The following TMEM117 variants were observed in gnomAD, a reference collection of about 807,000 sequenced individuals.
The protein encoded by TMEM117 is transmembrane protein 117.
TMEM117 carries 27 observed loss-of-function variants against 52.4 expected under a neutral mutation model. The observed-to-expected ratio is 0.51, with a 90% CI of 0.38 to 0.71. The LOEUF is 0.71. TMEM117 is among the 30% of genes least tolerant of loss of function. The probability of loss-of-function intolerance (pLI) is 0.00; values close to 1 mark genes in which losing one functional copy is unlikely to be tolerated. For synonymous variants in TMEM117, 215 were observed against 206.3 expected (o/e 1.04, Z -0.36); for missense variants, 556 against 630.5 (o/e 0.88, Z 1.26).
At chr12:44,045,397 G>A (rs1046635748) in intron 3 of TMEM117, among the ~76,000 whole-genome samples, 4 of 152,156 alleles carry the variant, frequency 2.6e-5, no homozygotes, top group African/African-American at 7.2e-5. Flanking sequence ...GTTTGTCCTC[G>A]CTAGAATAGA....
At chr12:44,204,985 G>A (rs1379787641) in intron 4 of TMEM117, among the ~76,000 whole-genome samples, 3 of 152,090 alleles carry the variant, frequency 2.0e-5, no homozygotes, top group Non-Finnish European at 4.4e-5. Flanking sequence ...TCTGAACATA[G>A]GCATTGACAA....
At chr12:44,244,424 T>C (rs1266626015) in intron 5 of TMEM117, 1 of 151,976 alleles carries the variant, frequency 6.6e-6, no homozygotes, top group Non-Finnish European at 1.5e-5. Flanking sequence ...ATGTATTTTC[T>C]CCACCCATAA....
chr12:44,080,068 T>G lies in TMEM117; in HGVS notation c.411-63457T>G, dbSNP rs190004449. Among the ~76,000 whole-genome samples the G allele has an allele frequency of 8.4e-3, 1,264 of 150,726 alleles. 8 individuals are homozygous for G. The highest frequency in any genetic ancestry group is 0.014 in the Non-Finnish European group (969 of 67,766). ...TATGGGAGTCTTTCTCTACGTATAC[T>G]GAGGTTTGATAGTTCTGTCCAGAGT... On this transcript the variant is annotated intron_variant, in intron 3 of 7. Transcript: ENST00000266534.
chr12:44,388,109 C>A lies in TMEM117; in HGVS notation c.982C>A (p.His328Asn). Residue 328 changes from histidine (H) to asparagine (N), a missense_variant, in exon 8 of 8, where the codon CAT (histidine) becomes AAT (asparagine). This residue lies in a region of TMEM117 where 22 missense variants were observed against 48.1 expected (regional missense o/e 0.46). Coordinates refer to ENST00000266534, the MANE Select transcript of TMEM117 (RefSeq NM_032256.3). ...GAAGAACCAAATATTTTATAAACCT[C>A]ATGAATATGGGCAATATATCGGCCC... Reference protein sequence around the residue: ...MWKNQIFYKPHEYGQYIGPGQ... With the variant: ...MWKNQIFYKPNEYGQYIGPGQ... The A allele has an allele frequency of 6.2e-7, 1 of 1,612,950 alleles. No homozygotes were observed. Among genetic ancestry groups the A allele is most frequent in the East Asian group, 2.2e-5 (1 of 44,754 alleles).
chr12:43,933,292 C>G (rs923184966), intron 2 of TMEM117, among the ~76,000 whole-genome samples: 2 of 151,692 alleles, frequency 1.3e-5, no homozygotes, highest in Non-Finnish European at 2.9e-5. Flanking sequence ...CTCCGCCCCC[C>G]AGGGTTCACG....
At chr12:43,954,939 G>A (rs944442119) in intron 3 of TMEM117, among the ~76,000 whole-genome samples, 3 of 152,152 alleles carry the variant, frequency 2.0e-5, no homozygotes, top group Non-Finnish European at 2.9e-5. Flanking sequence ...TATCCACCAC[G>A]ATCAAGTTGG....
intron 6 of TMEM117, among the ~76,000 whole-genome samples, chr12:44,326,051 T>G (rs1447505517): frequency 6.6e-6 from 1 of 152,020 alleles, no homozygotes; most frequent in Non-Finnish European, 1.5e-5. Context: ...GAATCCCAGC[T>G]CCTCCAGAGG....
chr12:44,156,652 C>T (rs953468127), intron 4 of TMEM117, among the ~76,000 whole-genome samples: 3 of 151,986 alleles, frequency 2.0e-5, no homozygotes, highest in Non-Finnish European at 4.4e-5. Flanking sequence ...TGGACATATT[C>T]TATGTCAAAA....
At chr12:44,282,177 C>G (rs1950585677) in intron 5 of TMEM117, among the ~76,000 whole-genome samples, 1 of 152,010 alleles carries the variant, frequency 6.6e-6, no homozygotes, top group African/African-American at 2.4e-5. Flanking sequence ...CCTCCCTAGC[C>G]ACGTGGAACT....
At chr12:44,295,765 C>T (rs1018816043) in intron 5 of TMEM117, among the ~76,000 whole-genome samples, 1 of 151,656 alleles carries the variant, frequency 6.6e-6, no homozygotes, top group African/African-American at 2.4e-5. Context: ...TCTGTTTCCT[C>T]TTCCATCCCA....
At chr12:44,187,875 A>G (rs1949299168) in intron 4 of TMEM117, among the ~76,000 whole-genome samples, 1 of 152,112 alleles carries the variant, frequency 6.6e-6, no homozygotes, top group Non-Finnish European at 1.5e-5. Context: ...CTTACCATTG[A>G]TCTATCTATT....
chr12:44,387,227 T>C (rs998675989), intron 7 of TMEM117, among the ~76,000 whole-genome samples: 1 of 151,846 alleles, frequency 6.6e-6, no homozygotes, highest in African/African-American at 2.4e-5. Flanking sequence ...GACTCTAGTA[T>C]ACCTGAAAAG....
chr12:44,067,249 A>G (rs1424460879), intron 3 of TMEM117, among the ~76,000 whole-genome samples: 2 of 152,100 alleles, frequency 1.3e-5, no homozygotes, highest in South Asian at 2.1e-4. Context: ...GTTGGAGTCA[A>G]CTTCTTCCAA....
chr12:43,819,606 C>G, the TMEM117 span, among the ~76,000 whole-genome samples: 1 of 152,110 alleles, frequency 6.6e-6, no homozygotes, highest in African/African-American at 2.4e-5. Flanking sequence ...AACCTCGTCT[C>G]TACTAAAAAT....
chr12:44,351,112 G>A (rs1467045456), intron 6 of TMEM117, among the ~76,000 whole-genome samples: 1 of 151,942 alleles, frequency 6.6e-6, no homozygotes, highest in Non-Finnish European at 1.5e-5. Context: ...TTTCTCTGAT[G>A]ATCAGTGATG....
chr12:43,812,737 G>T, the TMEM117 span, among the ~76,000 whole-genome samples: 1 of 151,956 alleles, frequency 6.6e-6, no homozygotes, highest in African/African-American at 2.4e-5. Context: ...CGGGTGCGGT[G>T]GCTCATGCCT....
At chr12:43,888,633 C>T (rs539064366) in intron 2 of TMEM117, among the ~76,000 whole-genome samples, 11 of 149,028 alleles carry the variant, frequency 7.4e-5, no homozygotes, top group African/African-American at 2.0e-4. Flanking sequence ...CTGCAAGCTC[C>T]GCCTCTCGGG....
Position 43,893,581 on chromosome 12 carries a change from A to G in TMEM117, c.277+48653A>G, listed in dbSNP as rs142446793. ...CTAGACTTTCTTACCTCCATGATTC[A>G]TTATATACTCAATTCTCTTTGTGAA... is the stretch of plus-strand genomic sequence containing the variant. On this transcript the variant is annotated intron_variant, in intron 2 of 7. Coordinates refer to ENST00000266534, the MANE Select transcript of TMEM117 (RefSeq NM_032256.3). Among the ~76,000 whole-genome samples the G allele has an allele frequency of 3.1e-3, 467 of 152,276 alleles. 2 individuals carry two copies. The highest frequency in any genetic ancestry group is 5.0e-3 in the Non-Finnish European group (341 of 68,022).
chr12:44,334,248 C>A (rs913249296), intron 6 of TMEM117, among the ~76,000 whole-genome samples: 1 of 151,972 alleles, frequency 6.6e-6, no homozygotes, highest in Non-Finnish European at 1.5e-5. Context: ...AAAATTGTAT[C>A]TGCTGTGGAA....
Sources: allele counts gnomAD v4.1 joint callset (sites outside exome capture counted in the v4.1 genomes callset), GRCh38; gene constraint gnomAD v4.1.1; regional missense constraint gnomAD v4.1.1; transcripts MANE v1.5; gene names NCBI Gene and HGNC (gene_info 2026-07-23, HGNC 2026-07-21).